PTPRN2: variants seen among roughly 807,000 people sequenced by gnomAD.
The protein encoded by PTPRN2 is receptor-type tyrosine-protein phosphatase N2.
In PTPRN2, 74 loss-of-function variants were observed where a neutral mutation model predicts 118.8. That is an observed-to-expected ratio of 0.62 (90% CI 0.52 to 0.76). The LOEUF (loss-of-function observed/expected upper bound fraction) is 0.76, where lower values mean the gene tolerates loss of function less well. Among genes scored for constraint, PTPRN2 ranks in the 30% least tolerant of loss-of-function variants. The pLI is 0.00. For synonymous variants in PTPRN2, 641 were observed against 608.0 expected (o/e 1.05, Z -0.80); for missense variants, 1,481 against 1,394.4 (o/e 1.06, Z -0.99).
intron 2 of PTPRN2, among the ~76,000 whole-genome samples, chr7:158,318,321 C>CCA (rs1234335296): frequency 1.3e-5 from 2 of 152,170 alleles, no homozygotes; most frequent in Non-Finnish European, 2.9e-5. Context: ...TCAAACATAC[C>CCA]CAGTGTTCCT....
rs372346787 is a variant in PTPRN2, at chr7:158,404,494, C to T, written c.163+85241G>A. Among the ~76,000 whole-genome samples the T allele has an allele frequency of 6.6e-5, 10 of 152,166 alleles. No individual in the cohort carries two copies. The East Asian group carries it at 9.6e-4, about 15-fold the overall frequency. On this transcript the variant is annotated intron_variant, in intron 2 of 22. Coordinates refer to ENST00000389418, the MANE Select transcript of PTPRN2 (RefSeq NM_002847.5). Reference sequence around the variant, plus strand: ...TCCACAGGATGAAGACACCAGGACCCGTGAGGACGGGGGCTCCCCAGGGGA... The same window carrying T: ...TCCACAGGATGAAGACACCAGGACCTGTGAGGACGGGGGCTCCCCAGGGGA...
chr7:158,231,490 C>G (rs1829160481), intron 3 of PTPRN2, among the ~76,000 whole-genome samples: 1 of 152,070 alleles, frequency 6.6e-6, no homozygotes, highest in Non-Finnish European at 1.5e-5. Context: ...ATTAATAGAT[C>G]CAAAGGAAGA....
At position 157,629,843 on chromosome 7, in the gene PTPRN2, C is replaced by T. The variant is rs563969631; in HGVS notation, c.2197-8334G>A. Among the ~76,000 whole-genome samples the T allele has an allele frequency of 9.8e-5, 15 of 152,308 alleles. No homozygotes were observed. In the East Asian group the frequency reaches 1.3e-3, roughly 14 times the overall value. ...ATTACAATCAAACCTTTTGTTAAAACGAATAATAGAATCCCTTTACATTTT... is the reference window on the plus strand; with the variant it reads ...ATTACAATCAAACCTTTTGTTAAAATGAATAATAGAATCCCTTTACATTTT... On this transcript the variant is annotated intron_variant, in intron 14 of 22. Transcript: ENST00000389418. The surrounding 1 kb of genome is among the most constrained non-coding windows in gnomAD (Gnocchi z 4.4).
At chr7:157,969,284 AT>A in intron 11 of PTPRN2, among the ~76,000 whole-genome samples, 1 of 152,196 alleles carries the variant, frequency 6.6e-6, no homozygotes. Flanking sequence ...TTATTTCTGT[AT>A]TCTTTGTAGA....
At chr7:157,871,741 G>A (rs1003320873) in intron 12 of PTPRN2, among the ~76,000 whole-genome samples, 6 of 148,572 alleles carry the variant, frequency 4.0e-5, no homozygotes, top group Admixed American at 1.3e-4. Flanking sequence ...ATACACATAT[G>A]CCTTCCCACA....
chr7:157,889,867 T>C (rs911191430), intron 12 of PTPRN2, among the ~76,000 whole-genome samples: 2 of 152,274 alleles, frequency 1.3e-5, no homozygotes, highest in African/African-American at 4.8e-5. Context: ...AGCCTCGTCA[T>C]TCTTCTGCTG....
chr7:157,691,758 G>C (rs948951406), intron 12 of PTPRN2, among the ~76,000 whole-genome samples: 1 of 152,180 alleles, frequency 6.6e-6, no homozygotes, highest in Non-Finnish European at 1.5e-5. Flanking sequence ...CACGCTCCCA[G>C]TCGTTCGAGC....
At chr7:158,556,552 CAA>C (rs10554373) in intron 1 of PTPRN2, among the ~76,000 whole-genome samples, 4,845 of 116,462 alleles carry the variant, frequency 0.042, 253 homozygotes, top group African/African-American at 0.13. Flanking sequence ...AACTCTGTTT[CAA>C]AAAAAAAAAA....
At chr7:158,009,669 G>A (rs559531936) in intron 11 of PTPRN2, among the ~76,000 whole-genome samples, 1 of 152,244 alleles carries the variant, frequency 6.6e-6, no homozygotes, top group East Asian at 1.9e-4. Context: ...TGGCCAAAAA[G>A]CAAAGCTTAT....
In PTPRN2 at chr7:157,621,493, TG is replaced by T. The variant is rs1554507623; in HGVS notation, c.2212del (p.His738ThrfsTer2). Reference protein sequence around the residue: ...GHMILSYMEDHLKNKNRLEKE... With the variant: ...GHMILSYMEDXLKNKNRLEKE... ...CTCCAGCCGGTTCTTGTTCTTCAGG[TG>T]GTCCTCCATGTAGGACTGAAAGGGA... On this transcript the variant is annotated frameshift_variant, in exon 15 of 23. Transcript: ENST00000389418. LOFTEE classifies it high-confidence loss of function. The T allele has an allele frequency of 6.2e-7, 1 of 1,613,388 alleles. No homozygotes were observed. The highest frequency in any genetic ancestry group is 8.5e-7 in the Non-Finnish European group (1 of 1,180,030).
chr7:158,453,441 G>A lies in PTPRN2; in HGVS notation c.163+36294C>T, dbSNP rs113381233. ...ACCACAGGGTTGGCTAACACAGCCT[G>A]GACATAGGGGAATTGAAAGAGAACA... On this transcript the variant is annotated intron_variant, in intron 2 of 22. Coordinates refer to ENST00000389418, the MANE Select transcript of PTPRN2 (RefSeq NM_002847.5). 3.2e-4 allele frequency among the ~76,000 whole-genome samples: 46 copies of A among 141,756 alleles called. 2 individuals carry two copies. The highest frequency in any genetic ancestry group is 1.1e-3 in the African/African-American group (44 of 38,482). The allele number at this position is 141,756 out of a possible 152,430, so 93.0% of individuals were successfully genotyped here.
chr7:157,781,440 C>T (rs1803675454), intron 12 of PTPRN2, among the ~76,000 whole-genome samples: 2 of 152,198 alleles, frequency 1.3e-5, no homozygotes. Context: ...CAGCAAACAC[C>T]ATCGAATCAG....
chr7:157,998,534 A>G (rs1271844124), intron 11 of PTPRN2, among the ~76,000 whole-genome samples: 1 of 152,196 alleles, frequency 6.6e-6, no homozygotes, highest in African/African-American at 2.4e-5. Flanking sequence ...TCACATTTCA[A>G]GCTCAGTAAA....
chr7:157,751,061 C>T (rs1026814263), intron 12 of PTPRN2, among the ~76,000 whole-genome samples: 6 of 152,254 alleles, frequency 3.9e-5, no homozygotes, highest in African/African-American at 1.4e-4. Context: ...CTGGGAAAAC[C>T]TCCCAGATCC....
At chr7:158,418,280 T>C (rs2129420796) in intron 2 of PTPRN2, among the ~76,000 whole-genome samples, 1 of 150,620 alleles carries the variant, frequency 6.6e-6, no homozygotes, top group Non-Finnish European at 1.5e-5. Context: ...ATCGAGATGC[T>C]GTAGCTCTCC....
chr7:158,466,116 A>G (rs1369813440), intron 2 of PTPRN2, among the ~76,000 whole-genome samples: 3 of 152,218 alleles, frequency 2.0e-5, no homozygotes, highest in Non-Finnish European at 4.4e-5. Context: ...ACATACATGC[A>G]TACTGAGGTG....
At chr7:158,545,977 T>C (rs184203381) in intron 1 of PTPRN2, among the ~76,000 whole-genome samples, 2 of 152,112 alleles carry the variant, frequency 1.3e-5, no homozygotes, top group Non-Finnish European at 2.9e-5. Flanking sequence ...CCAGCCTGGG[T>C]GTCTCAAAAA....
At chr7:158,373,638 T>C (rs1194079263) in intron 2 of PTPRN2, among the ~76,000 whole-genome samples, 3 of 152,234 alleles carry the variant, frequency 2.0e-5, no homozygotes, top group Non-Finnish European at 4.4e-5. Context: ...TGGTTTTCTG[T>C]GCAATTAATG....
intron 11 of PTPRN2, among the ~76,000 whole-genome samples, chr7:158,048,278 C>T (rs898321270): frequency 4.6e-5 from 7 of 152,146 alleles, no homozygotes; most frequent in Non-Finnish European, 8.8e-5. Context: ...CCTTATCTTA[C>T]AGACCATGTA....
Sources: allele counts gnomAD v4.1 joint callset (sites outside exome capture counted in the v4.1 genomes callset), GRCh38; gene constraint gnomAD v4.1.1; non-coding constraint Gnocchi (gnomAD v3.1); transcripts MANE v1.5; gene names NCBI Gene and HGNC (gene_info 2026-07-23, HGNC 2026-07-21).